Variants in SLC24A3 observed in about 807,000 individuals in gnomAD.
The protein encoded by SLC24A3 is sodium/potassium/calcium exchanger 3.
Under a neutral mutation model 75.8 loss-of-function variants are expected in SLC24A3, and 28 were observed. The ratio of observed to expected loss-of-function variants is 0.37; its 90% CI spans 0.27 to 0.51. The LOEUF (loss-of-function observed/expected upper bound fraction) is 0.51. Among genes scored for constraint, SLC24A3 ranks in the 20% least tolerant of loss-of-function variants. The pLI is 0.94. For missense variants in SLC24A3, 663 were observed against 847.8 expected, an observed-to-expected ratio of 0.78 and a Z score of 2.71; for synonymous variants, 372 against 334.1, an observed-to-expected ratio of 1.11 and a Z score of -1.24.
intron 2 of SLC24A3, among the ~76,000 whole-genome samples, chr20:19,432,995 C>T (rs758478057): frequency 2.2e-4 from 33 of 152,212 alleles, no homozygotes; most frequent in Non-Finnish European, 3.8e-4. Context: ...ATTGCAACCT[C>T]GGGCATAAAT....
chr20:19,223,841 G>A lies in SLC24A3; in HGVS notation c.142+10857G>A, dbSNP rs549023119. Among the ~76,000 whole-genome samples, 4 of 152,264 alleles carry A rather than the reference G, an allele frequency of 2.6e-5. No homozygotes were observed. The East Asian group carries it at 7.7e-4, about 29-fold the overall frequency. On this transcript the variant is annotated intron_variant, in intron 1 of 16. Transcript: ENST00000328041. ...ACCCAGGCACTGCCACACCATGACA[G>A]TCGATCTGATAACCGAGCTGGCTAC... is the stretch of plus-strand genomic sequence containing the variant.
chr20:19,720,856 G>T, intron 16 of SLC24A3, 135 bp from the exon 17 acceptor site: 2 of 882,826 alleles, frequency 2.3e-6, no homozygotes, highest in South Asian at 1.9e-5. Flanking sequence ...GATTTTGCAG[G>T]CTCAGAGAGG....
At chr20:19,380,579 T>C (rs992615834) in intron 2 of SLC24A3, among the ~76,000 whole-genome samples, 2 of 152,216 alleles carry the variant, frequency 1.3e-5, no homozygotes, top group African/African-American at 4.8e-5. Context: ...TTTCCTTCTT[T>C]CACTTTTCTT....
chr20:19,585,935 A>G (rs897459312), intron 6 of SLC24A3, among the ~76,000 whole-genome samples: 6 of 152,214 alleles, frequency 3.9e-5, no homozygotes, highest in African/African-American at 1.4e-4. Flanking sequence ...GCTAAACACA[A>G]TGAGAATACA....
intron 2 of SLC24A3, among the ~76,000 whole-genome samples, chr20:19,436,950 G>A (rs1987215168): frequency 6.6e-6 from 1 of 152,224 alleles, no homozygotes; most frequent in Non-Finnish European, 1.5e-5. Flanking sequence ...TAGAAGGGCA[G>A]TGGGGGCTAG....
At chr20:19,715,882 G>A (rs2033040360) in intron 15 of SLC24A3, among the ~76,000 whole-genome samples, 1 of 152,226 alleles carries the variant, frequency 6.6e-6, no homozygotes, top group African/African-American at 2.4e-5. Flanking sequence ...GCAGGAGAGT[G>A]TACATTGGTT....
At chr20:19,555,534 A>T (rs1369933665) in intron 3 of SLC24A3, among the ~76,000 whole-genome samples, 5 of 152,234 alleles carry the variant, frequency 3.3e-5, no homozygotes, top group Non-Finnish European at 7.3e-5. Flanking sequence ...GAAGTATTAC[A>T]AAAACCACTG....
intron 2 of SLC24A3, among the ~76,000 whole-genome samples, chr20:19,340,445 A>G (rs956961276): frequency 6.6e-6 from 1 of 152,238 alleles, no homozygotes; most frequent in Non-Finnish European, 1.5e-5. Flanking sequence ...CAGAACTGTC[A>G]GAGAATACGT....
chr20:19,676,665 G>A (rs2032527695), intron 9 of SLC24A3, among the ~76,000 whole-genome samples: 1 of 152,218 alleles, frequency 6.6e-6, no homozygotes, highest in South Asian at 2.1e-4. Flanking sequence ...CCTCCTAGGT[G>A]GAGAGTTTTT....
At chr20:19,432,506 A>C (rs1377336268) in intron 2 of SLC24A3, among the ~76,000 whole-genome samples, 1 of 152,094 alleles carries the variant, frequency 6.6e-6, no homozygotes, top group East Asian at 1.9e-4. Flanking sequence ...CCCATGGAGA[A>C]TTCCAAGCTG....
chr20:19,245,537 T>C (rs1982461801), intron 1 of SLC24A3, among the ~76,000 whole-genome samples: 1 of 152,136 alleles, frequency 6.6e-6, no homozygotes, highest in Admixed American at 6.6e-5. Flanking sequence ...GAAACGTTTG[T>C]GTTAAAATTT....
At chr20:19,399,777 G>A (rs1986517746) in intron 2 of SLC24A3, among the ~76,000 whole-genome samples, 1 of 152,168 alleles carries the variant, frequency 6.6e-6, no homozygotes, top group Non-Finnish European at 1.5e-5. Flanking sequence ...GGTTGGTAGA[G>A]CTGTTGAAAT....
chr20:19,409,887 C>A (rs965082618), intron 2 of SLC24A3, among the ~76,000 whole-genome samples: 4 of 151,264 alleles, frequency 2.6e-5, no homozygotes, highest in Non-Finnish European at 5.9e-5. Context: ...AATGTCCTGG[C>A]ATAGAGTGGT....
chr20:19,554,165 G>C (rs1331813825), intron 3 of SLC24A3, among the ~76,000 whole-genome samples: 1 of 152,142 alleles, frequency 6.6e-6, no homozygotes, highest in African/African-American at 2.4e-5. Flanking sequence ...TGCTGTAAAT[G>C]TAGAACACAT....
At chr20:19,281,662 G>A (rs1298647214) in intron 2 of SLC24A3, among the ~76,000 whole-genome samples, 1 of 152,110 alleles carries the variant, frequency 6.6e-6, no homozygotes, top group Non-Finnish European at 1.5e-5. Context: ...AAGGGAATGA[G>A]GAGCTGTGAG....
chr20:19,226,182 GT>G (rs1307894492), intron 1 of SLC24A3, among the ~76,000 whole-genome samples: 1 of 152,134 alleles, frequency 6.6e-6, no homozygotes, highest in Admixed American at 6.5e-5. Context: ...TGCTGAGGTG[GT>G]TTTAATTCTT....
At chr20:19,452,048 T>C (rs1987490716) in intron 2 of SLC24A3, among the ~76,000 whole-genome samples, 2 of 152,188 alleles carry the variant, frequency 1.3e-5, no homozygotes, top group Non-Finnish European at 2.9e-5. Context: ...CCACATCTCA[T>C]TACAGCGCGA....
intron 6 of SLC24A3, among the ~76,000 whole-genome samples, chr20:19,601,346 C>G (rs1360756884): frequency 6.6e-6 from 1 of 152,192 alleles, no homozygotes; most frequent in Non-Finnish European, 1.5e-5. Flanking sequence ...TCTCCTGTTT[C>G]TTTGGTGCCC....
chr20:19,681,962 G>A lies in SLC24A3; in HGVS notation c.872G>A (p.Cys291Tyr). The change falls in exon 10 of 17, where the codon TGC becomes TAC. Residue 291 changes from cysteine to tyrosine, a missense_variant. Around this residue, in one of 2 missense-constraint regions of SLC24A3, gnomAD observed 510 missense variants for 703.6 expected, o/e 0.72. Coordinates refer to ENST00000328041, the MANE Select transcript of SLC24A3 (RefSeq NM_020689.4). ...GCTGAAATTGATGACAGCAGCAACT[G>A]CGACGCAACTGTGGTGCTACTTAAG... ...NNAEIDDSSN[C>Y]DATVVLLKKA... 1 of 1,614,196 alleles carries A rather than the reference G, an allele frequency of 6.2e-7. No individual in the cohort carries two copies. Among genetic ancestry groups the A allele is most frequent in the South Asian group, 1.1e-5 (1 of 91,086 alleles).
Sources: gnomAD v4.1 joint callset for allele counts (sites outside exome capture counted in the v4.1 genomes callset) on GRCh38, gnomAD v4.1.1 for gene constraint, gnomAD v4.1.1 regional missense constraint, MANE v1.5 for transcripts, NCBI Gene and HGNC (gene_info 2026-07-23, HGNC 2026-07-21) for gene names.